The following DGKI variants were observed in gnomAD, a reference collection of about 807,000 sequenced individuals.
DGKI encodes the protein DAG kinase iota.
A neutral mutation model predicts 147.5 loss-of-function variants in DGKI; 55 were observed. The observed-to-expected ratio is 0.37, with a 90% CI of 0.30 to 0.47. The LOEUF (loss-of-function observed/expected upper bound fraction) is 0.47. DGKI is among the 20% of genes least tolerant of loss of function. DGKI has a pLI of 1.00. For missense variants in DGKI, 1,007 were observed against 1,323.8 expected, an observed-to-expected ratio of 0.76 and a Z score of 3.71; for synonymous variants, 469 against 477.1, an observed-to-expected ratio of 0.98 and a Z score of 0.22.
chr7:137,763,869 T>C (rs1795930712), intron 1 of DGKI, among the ~76,000 whole-genome samples: 1 of 152,240 alleles, frequency 6.6e-6, no homozygotes, highest in South Asian at 2.1e-4. Context: ...TTTCAGTCTC[T>C]TGTAATAATT....
At chr7:137,618,151 A>ATATATATATATATATATATATAT in intron 8 of DGKI, among the ~76,000 whole-genome samples, 6 of 10,464 alleles carry the variant, frequency 5.7e-4, no homozygotes, top group Non-Finnish European at 2.4e-3. Context: ...ATATATATAT[A>ATATATATATATATATATATATAT]TTTTTTTTTT....
At chr7:137,749,154 C>A (rs1210917215) in intron 1 of DGKI, among the ~76,000 whole-genome samples, 2 of 152,148 alleles carry the variant, frequency 1.3e-5, no homozygotes, top group African/African-American at 4.8e-5. Context: ...TTTCAATAAA[C>A]AGTAAAACCA....
chr7:137,698,009 G>C (rs1823850083), intron 1 of DGKI, among the ~76,000 whole-genome samples: 1 of 150,976 alleles, frequency 6.6e-6, no homozygotes, highest in East Asian at 2.0e-4. Context: ...CAGATAGATA[G>C]CTATAGATAG....
chr7:137,783,038 GA>G (rs1186758993), intron 1 of DGKI, among the ~76,000 whole-genome samples: 3 of 152,076 alleles, frequency 2.0e-5, no homozygotes, highest in African/African-American at 7.2e-5. Flanking sequence ...GAAGAAACCA[GA>G]AAAACAATTC....
intron 6 of DGKI, among the ~76,000 whole-genome samples, chr7:137,624,240 T>C (rs1404174202): frequency 6.6e-6 from 1 of 152,216 alleles, no homozygotes; most frequent in African/African-American, 2.4e-5. Flanking sequence ...CCCTAAATAA[T>C]GGCCAGAGAG....
chr7:137,410,643 A>T (rs1206128545), intron 29 of DGKI, among the ~76,000 whole-genome samples: 1 of 152,254 alleles, frequency 6.6e-6, no homozygotes, highest in Admixed American at 6.5e-5. Flanking sequence ...TAATAAACTC[A>T]GGATCTTGGG....
intron 31 of DGKI, 141 bp downstream of exon 31, chr7:137,397,236 C>G (rs527502740): frequency 1.4e-6 from 1 of 727,864 alleles, no homozygotes; most frequent in Non-Finnish European, 2.2e-6. Context: ...ATTAGCCCTG[C>G]ACATTTATGA....
At chr7:137,442,815 G>C (rs115012759) in intron 28 of DGKI, among the ~76,000 whole-genome samples, 1,940 of 152,150 alleles carry the variant, frequency 0.013, 34 homozygotes, top group African/African-American at 0.044. Flanking sequence ...TTTGCTCTTC[G>C]TTGGAAACTA....
At chr7:137,715,463 A>T (rs1794347688) in intron 1 of DGKI, among the ~76,000 whole-genome samples, 1 of 152,218 alleles carries the variant, frequency 6.6e-6, no homozygotes, top group African/African-American at 2.4e-5. Context: ...GTGGAAAGTT[A>T]TGAGACCCAC....
intron 7 of DGKI, among the ~76,000 whole-genome samples, chr7:137,621,539 T>C (rs141502385): frequency 6.6e-6 from 1 of 152,344 alleles, no homozygotes; most frequent in Non-Finnish European, 1.5e-5. Flanking sequence ...TCAAATATCC[T>C]AGAAGGGGTT....
At chr7:137,510,574 TGAAAG>T (rs1396440313) in intron 21 of DGKI, among the ~76,000 whole-genome samples, 5 of 152,240 alleles carry the variant, frequency 3.3e-5, no homozygotes, top group Admixed American at 2.6e-4. Context: ...ATTACATGTC[TGAAAG>T]GAAAGATTCA....
At chr7:137,631,879 A>G (rs1821133870) in intron 6 of DGKI, among the ~76,000 whole-genome samples, 1 of 152,204 alleles carries the variant, frequency 6.6e-6, no homozygotes, top group African/African-American at 2.4e-5. Flanking sequence ...ATGATCTGCC[A>G]GAGGCCCAAA....
intron 13 of DGKI, 141 bp downstream of exon 13, chr7:137,586,956 C>G (rs764232547): frequency 1.8e-5 from 10 of 569,492 alleles, no homozygotes; most frequent in Middle Eastern, 2.7e-4. Flanking sequence ...CAAATAAGGG[C>G]TCAAGGGCAC....
chr7:137,790,547 A>G (rs1308300105), intron 1 of DGKI, among the ~76,000 whole-genome samples: 2 of 152,236 alleles, frequency 1.3e-5, no homozygotes, highest in African/African-American at 4.8e-5. Flanking sequence ...ATGACGCACT[A>G]ATCAATAAAG....
At chr7:137,697,470 T>C (rs181698273) in intron 1 of DGKI, among the ~76,000 whole-genome samples, 317 of 152,296 alleles carry the variant, frequency 2.1e-3, no homozygotes, top group Middle Eastern at 6.8e-3. Context: ...GAAATTGAGA[T>C]TGATAAAAGT....
intron 20 of DGKI, among the ~76,000 whole-genome samples, chr7:137,523,420 C>A (rs1168506135): frequency 1.3e-5 from 2 of 149,662 alleles, no homozygotes; most frequent in Non-Finnish European, 2.9e-5. Flanking sequence ...ACACATGGTG[C>A]ATTCTCTCTC....
At chr7:137,824,151 T>C (rs192326055) in intron 1 of DGKI, among the ~76,000 whole-genome samples, 2 of 152,208 alleles carry the variant, frequency 1.3e-5, no homozygotes, top group East Asian at 3.9e-4. Context: ...TAAATACAAA[T>C]GCAGAATCAG....
At chr7:137,805,328 T>G (rs532534163) in intron 1 of DGKI, among the ~76,000 whole-genome samples, 1 of 152,180 alleles carries the variant, frequency 6.6e-6, no homozygotes, top group Admixed American at 6.5e-5. Context: ...CAATCACCAG[T>G]GCTGATTCTG....
chr7:137,634,463 G>C (rs1213695874), intron 6 of DGKI, among the ~76,000 whole-genome samples: 1 of 152,190 alleles, frequency 6.6e-6, no homozygotes, highest in Non-Finnish European at 1.5e-5. Context: ...TTTTCTGGCA[G>C]GTTACTGTAC....
Sources: allele counts gnomAD v4.1 joint callset (sites outside exome capture counted in the v4.1 genomes callset), GRCh38; gene constraint gnomAD v4.1.1; transcripts MANE v1.5; gene names NCBI Gene and HGNC (gene_info 2026-07-23, HGNC 2026-07-21).